Variants in RARA observed in about 807,000 individuals in gnomAD.
RARA encodes retinoic acid receptor alpha.
RARA carries 5 observed loss-of-function variants against 42.8 expected under a neutral mutation model. The ratio of observed to expected loss-of-function variants is 0.12; its 90% CI spans 0.06 to 0.25. The LOEUF (loss-of-function observed/expected upper bound fraction) is 0.25. Among genes scored for constraint, RARA ranks in the 10% least tolerant of loss-of-function variants. The probability of loss-of-function intolerance (pLI) is 1.00; values close to 1 mark genes in which losing one functional copy is unlikely to be tolerated. For missense variants in RARA, 402 were observed against 628.7 expected, an observed-to-expected ratio of 0.64 and a Z score of 3.86; for synonymous variants, 256 against 259.5, an observed-to-expected ratio of 0.99 and a Z score of 0.13.
chr17:40,351,632 G>A lies in RARA; in HGVS notation c.470-278G>A. 2 of 526,110 alleles carry A rather than the reference G, an allele frequency of 3.8e-6. No individual in the cohort carries two copies. Among genetic ancestry groups the A allele is most frequent in the Non-Finnish European group, 7.0e-6 (2 of 284,108 alleles). 32.6% of individuals were successfully genotyped at this position (526,110 alleles called of 1,614,324 possible). On this transcript the variant is annotated intron_variant, in intron 4 of 8. Coordinates refer to ENST00000254066, the MANE Select transcript of RARA (RefSeq NM_000964.4). This position sits in a 1 kb window ranked among gnomAD's most constrained non-coding sequence, Gnocchi z 4.1. Reference sequence around the variant, plus strand: ...TGTGAGCTGGAGTAGACGCGTGGGGGATAGCATGCGGCTGGCTATGGGGTG... The same window carrying A: ...TGTGAGCTGGAGTAGACGCGTGGGGAATAGCATGCGGCTGGCTATGGGGTG...
At position 40,356,625 on chromosome 17, in the gene RARA, C is replaced by A. The variant is rs1234417399; in HGVS notation, c.*399C>A. 1 of 546,820 alleles carries A rather than the reference C, an allele frequency of 1.8e-6. No homozygotes were observed. The highest frequency in any genetic ancestry group is 1.8e-5 in the African/African-American group (1 of 54,570). 33.9% of individuals were successfully genotyped at this position (546,820 alleles called of 1,614,324 possible). ...AAGCCATTGCTCCCCAGCTGGGGAA[C>A]CTCAACCTCCCCCCTGCCTCGGTTG... On this transcript the variant is annotated 3_prime_UTR_variant, in exon 9 of 9. Coordinates refer to ENST00000254066, the MANE Select transcript of RARA (RefSeq NM_000964.4).
chr17:40,341,509 C>T (rs1251674831), intron 2 of RARA: 2 of 1,484,530 alleles, frequency 1.3e-6, no homozygotes, highest in Non-Finnish European at 1.8e-6. Flanking sequence ...ACGCCTCCTG[C>T]CGCCGCTCTC....
At chr17:40,334,801 G>C (rs1314730106) in intron 2 of RARA, among the ~76,000 whole-genome samples, 3 of 152,198 alleles carry the variant, frequency 2.0e-5, no homozygotes, top group African/African-American at 7.2e-5. Flanking sequence ...TTCCCCAGGT[G>C]GGGAGGAGGC....
chr17:40,346,255 G>C (rs2034261980), intron 2 of RARA, among the ~76,000 whole-genome samples: 1 of 151,954 alleles, frequency 6.6e-6, no homozygotes, highest in Admixed American at 6.6e-5. Flanking sequence ...TCTCATCCTG[G>C]TATCCCCCAT....
chr17:40,324,279 A>G (rs1218785814), intron 1 of RARA, among the ~76,000 whole-genome samples: 1 of 150,530 alleles, frequency 6.6e-6, no homozygotes, highest in African/African-American at 2.4e-5. Context: ...CAGTAGGCTC[A>G]TCTCTTCCTC....
At chr17:40,322,523 G>A (rs1002461159) in intron 1 of RARA, among the ~76,000 whole-genome samples, 10 of 152,130 alleles carry the variant, frequency 6.6e-5, no homozygotes, top group Non-Finnish European at 1.2e-4. Context: ...GTGTGTCTGT[G>A]TGTACACACC....
chr17:40,342,521 G>T (rs1393647120), intron 2 of RARA: 3 of 1,321,276 alleles, frequency 2.3e-6, no homozygotes, highest in Non-Finnish European at 2.9e-6. Flanking sequence ...GGGACTGGCG[G>T]AGCGGCCGGC....
At chr17:40,331,520 C>T in intron 2 of RARA, 124 bp downstream of exon 2, 1 of 1,175,402 alleles carries the variant, frequency 8.5e-7, no homozygotes, top group Non-Finnish European at 1.2e-6. Context: ...AAGGTCTTCT[C>T]CAGTTGGGGT....
chr17:40,346,361 A>AGTGGGGCCTTGGGAGAG (rs2034265210), intron 2 of RARA, among the ~76,000 whole-genome samples: 1 of 151,796 alleles, frequency 6.6e-6, no homozygotes, highest in Non-Finnish European at 1.5e-5. Flanking sequence ...TCATTTTAGA[A>AGTGGGGCCTTGGGAGAG]GTGGGGCCTT....
intron 1 of RARA, among the ~76,000 whole-genome samples, chr17:40,328,971 C>T (rs548225838): frequency 4.6e-5 from 7 of 152,252 alleles, no homozygotes; most frequent in Non-Finnish European, 7.4e-5. Context: ...CTGTGTTTAA[C>T]CTTTTGAGGA....
Position 40,348,732 on chromosome 17 carries a change from G to C in RARA, c.327+268G>C, listed in dbSNP as rs1465711549. ...CCTCCAGCTGGCAGGGCGTACGCCTGCTCTGCCACCGCTGCCCAGGTTGCC... is the reference window on the plus strand; with the variant it reads ...CCTCCAGCTGGCAGGGCGTACGCCTCCTCTGCCACCGCTGCCCAGGTTGCC... On this transcript the variant is annotated intron_variant, in intron 3 of 8. Transcript: ENST00000254066. 3 of 327,114 alleles carry C rather than the reference G, an allele frequency of 9.2e-6. No homozygotes were observed. The East Asian group carries it at 1.6e-4, about 17-fold the overall frequency. 20.3% of individuals were successfully genotyped at this position (327,114 alleles called of 1,614,324 possible).
chr17:40,312,240 C>T (rs772496889), intron 1 of RARA, among the ~76,000 whole-genome samples: 43 of 152,206 alleles, frequency 2.8e-4, no homozygotes, highest in South Asian at 8.3e-4. Flanking sequence ...CCCTCTAGAC[C>T]GCTTGCCTCC....
chr17:40,323,881 T>G (rs1598541286), intron 1 of RARA, among the ~76,000 whole-genome samples: 1 of 149,596 alleles, frequency 6.7e-6, no homozygotes, highest in Admixed American at 6.6e-5. Flanking sequence ...GTCCCCAGGG[T>G]GGGATGCTGA....
At chr17:40,315,102 A>ATATG (rs1343117489) in intron 1 of RARA, among the ~76,000 whole-genome samples, 1 of 129,872 alleles carries the variant, frequency 7.7e-6, no homozygotes, top group Non-Finnish European at 1.6e-5. Flanking sequence ...GGTTATATGT[A>ATATG]TATATATATA....
Position 40,356,021 on chromosome 17 carries a change from T to C in RARA, c.1184T>C (p.Val395Ala). The change falls in exon 9 of 9, where the codon GTG becomes GCG. Residue 395 changes from valine to alanine, a missense_variant. Val to Ala is a moderately conservative substitution (Grantham distance 64). Around this residue, in one of 5 missense-constraint regions of RARA, gnomAD observed 104 missense variants for 160.1 expected, o/e 0.65. Transcript: ENST00000254066. The part of the protein sequence containing the change: ...RSISAKGAER[V>A]ITLKMEIPGS... ...TCCTTTCCTGCAGGGGCTGAGCGGG[T>C]GATCACGCTGAAGATGGAGATCCCG... The C allele has an allele frequency of 6.2e-7, 1 of 1,600,476 alleles. No homozygotes were observed. Among genetic ancestry groups the C allele is most frequent in the South Asian group, 1.1e-5 (1 of 88,922 alleles).
At chr17:40,323,698 A>G (rs1318240351) in intron 1 of RARA, among the ~76,000 whole-genome samples, 1 of 126,852 alleles carries the variant, frequency 7.9e-6, no homozygotes, top group African/African-American at 3.0e-5. Flanking sequence ...TCTAGCCCCA[A>G]CTGAGTAGGC....
intron 1 of RARA, among the ~76,000 whole-genome samples, chr17:40,317,740 C>A (rs1341767048): frequency 1.3e-5 from 2 of 150,242 alleles, no homozygotes; most frequent in Non-Finnish European, 3.0e-5. Flanking sequence ...TAATTAAGAT[C>A]CAGGGAAGGG....
intron 2 of RARA, among the ~76,000 whole-genome samples, chr17:40,343,979 G>T (rs2034164642): frequency 1.3e-5 from 2 of 152,100 alleles, no homozygotes; most frequent in Non-Finnish European, 2.9e-5. Flanking sequence ...GATGGCTCAG[G>T]TTTCTTCCCC....
intron 1 of RARA, among the ~76,000 whole-genome samples, chr17:40,327,759 G>A (rs1479333262): frequency 1.3e-5 from 2 of 152,198 alleles, no homozygotes; most frequent in Non-Finnish European, 2.9e-5. Context: ...GTTTGTATGT[G>A]TATTTGTGTG....
Sources: gnomAD v4.1 joint callset for allele counts (sites outside exome capture counted in the v4.1 genomes callset) on GRCh38, gnomAD v4.1.1 for gene constraint, gnomAD v4.1.1 regional missense constraint, Gnocchi (gnomAD v3.1) non-coding constraint, MANE v1.5 for transcripts, NCBI Gene and HGNC (gene_info 2026-07-23, HGNC 2026-07-21) for gene names.